The following NCOA3 variants were observed in gnomAD, a reference collection of about 807,000 sequenced individuals.
NCOA3 encodes nuclear receptor coactivator 3.
A neutral mutation model predicts 158.8 loss-of-function variants in NCOA3; 51 were observed. That is an observed-to-expected ratio of 0.32 (90% CI 0.26 to 0.41). The LOEUF is 0.41. Ranked by LOEUF, NCOA3 falls within the 10% of genes least tolerant of loss-of-function variation. The pLI, the probability that NCOA3 is intolerant of heterozygous loss-of-function variation, is 1.00. For synonymous variants in NCOA3, 537 were observed against 592.4 expected, an observed-to-expected ratio of 0.91 and a Z score of 1.36; for missense variants, 1,510 against 1,746.6, an observed-to-expected ratio of 0.86 and a Z score of 2.41.
chr20:47,576,462 G>T (rs1270222558), intron 1 of NCOA3, among the ~76,000 whole-genome samples: 1 of 152,102 alleles, frequency 6.6e-6, no homozygotes, highest in African/African-American at 2.4e-5. Flanking sequence ...TGGTTTGTTA[G>T]ATACTACAGG....
In NCOA3 at chr20:47,648,954, T is replaced by C. The variant is rs2086735340; in HGVS notation, c.3547-51T>C. ...GTGCTGAGGGTCTGGAAAGCTGTTT[T>C]GGCAGACTGACGTGCTCTGCTTGCA... is the stretch of plus-strand genomic sequence containing the variant. On this transcript the variant is annotated intron_variant, in intron 18 of 22. Coordinates refer to ENST00000371998, the MANE Select transcript of NCOA3 (RefSeq NM_181659.3). 2.6e-6 allele frequency: 3 copies of C among 1,156,886 alleles called. No individual in the cohort carries two copies. In the African/African-American group the frequency reaches 4.5e-5, roughly 18 times the overall value. 71.7% of individuals were successfully genotyped at this position (1,156,886 alleles called of 1,614,324 possible). A position where few individuals can be genotyped will look rare whatever the true frequency, so the allele number is the denominator to read the frequency against.
chr20:47,584,372 C>T (rs958594523), intron 2 of NCOA3, among the ~76,000 whole-genome samples: 12 of 152,146 alleles, frequency 7.9e-5, no homozygotes, highest in African/African-American at 2.9e-4. Context: ...GTAATCCCAG[C>T]ACTTTGGGAG....
At chr20:47,558,907 G>A (rs1231559754) in intron 1 of NCOA3, among the ~76,000 whole-genome samples, 2 of 145,014 alleles carry the variant, frequency 1.4e-5, no homozygotes. Flanking sequence ...AGTTATGCAC[G>A]ACATCTGGAC....
chr20:47,645,577 A>G (rs2086674100), intron 17 of NCOA3, among the ~76,000 whole-genome samples: 1 of 147,880 alleles, frequency 6.8e-6, no homozygotes, highest in Admixed American at 6.6e-5. Context: ...ACTACCTTTT[A>G]AGTATTTTTT....
intron 1 of NCOA3, among the ~76,000 whole-genome samples, chr20:47,521,389 A>T (rs1247524549): frequency 6.6e-6 from 1 of 151,926 alleles, no homozygotes; most frequent in Non-Finnish European, 1.5e-5. Context: ...TTATAGAAGG[A>T]TGCACCTTCA....
At chr20:47,622,723 T>TGG (rs1335169140) in intron 3 of NCOA3, among the ~76,000 whole-genome samples, 1 of 152,060 alleles carries the variant, frequency 6.6e-6, no homozygotes, top group Non-Finnish European at 1.5e-5. Flanking sequence ...CAAAGGGTGG[T>TGG]GGGATTATCA....
intron 1 of NCOA3, among the ~76,000 whole-genome samples, chr20:47,562,528 A>G (rs1221689462): frequency 6.7e-6 from 1 of 148,492 alleles, no homozygotes; most frequent in Admixed American, 6.7e-5. Context: ...TCATCTGTCC[A>G]TCTGTCTTGA....
intron 2 of NCOA3, among the ~76,000 whole-genome samples, chr20:47,583,814 G>C (rs1416153371): frequency 1.3e-5 from 2 of 152,142 alleles, no homozygotes; most frequent in East Asian, 3.9e-4. Context: ...AAACTAGCCA[G>C]ACATAGTGGC....
chr20:47,651,115 A>G lies in NCOA3; in HGVS notation c.3785A>G (p.Gln1262Arg). The change falls in exon 20 of 23, where the codon CAG becomes CGG. Residue 1262 changes from glutamine to arginine, a missense_variant. This residue lies in a region of NCOA3 where 4 missense variants were observed against 21.9 expected (regional missense o/e 0.18). Coordinates refer to ENST00000371998, the MANE Select transcript of NCOA3 (RefSeq NM_181659.3). Reference sequence around the variant, plus strand: ...CAACAGCAGCAGCAGCAGCAGCAGCAGCAGCAACAGCAACAGCAACAGCAA... The same window carrying G: ...CAACAGCAGCAGCAGCAGCAGCAGCGGCAGCAACAGCAACAGCAACAGCAA... ...QQQQQQQQQQ[Q>R]QQQQQQQQQQ... The G allele has an allele frequency of 6.8e-7, 1 of 1,461,204 alleles. No homozygotes were observed. Among genetic ancestry groups the G allele is most frequent in the Non-Finnish European group, 9.3e-7 (1 of 1,069,576 alleles). The allele number at this position is 1,461,204 out of a possible 1,614,324, so 90.5% of individuals were successfully genotyped here. A position where few individuals can be genotyped will look rare whatever the true frequency, so the allele number is the denominator to read the frequency against.
chr20:47,525,863 G>A (rs1168457024), intron 1 of NCOA3, among the ~76,000 whole-genome samples: 2 of 125,590 alleles, frequency 1.6e-5, no homozygotes, highest in African/African-American at 3.0e-5. Flanking sequence ...CTCACTTCCC[G>A]GATGGGGCGG....
chr20:47,553,444 ATG>A (rs1402934352), intron 1 of NCOA3, among the ~76,000 whole-genome samples: 1 of 151,854 alleles, frequency 6.6e-6, no homozygotes, highest in Non-Finnish European at 1.5e-5. Flanking sequence ...CATGTGCACA[ATG>A]TGCAGGTTTG....
At chr20:47,613,923 A>T (rs1327473729) in intron 2 of NCOA3, among the ~76,000 whole-genome samples, 2 of 151,820 alleles carry the variant, frequency 1.3e-5, no homozygotes, top group Admixed American at 6.6e-5. Context: ...AAAAAAAATT[A>T]AAAAAAATTT....
At chr20:47,586,220 AT>A (rs2085533684) in intron 2 of NCOA3, among the ~76,000 whole-genome samples, 1 of 151,900 alleles carries the variant, frequency 6.6e-6, no homozygotes, top group Non-Finnish European at 1.5e-5. Context: ...TGCTCGGCCA[AT>A]TTTTTCTTTT....
At chr20:47,582,651 G>A (rs940212959) in intron 1 of NCOA3, among the ~76,000 whole-genome samples, 1 of 152,208 alleles carries the variant, frequency 6.6e-6, no homozygotes, top group Non-Finnish European at 1.5e-5. Flanking sequence ...ATAGGCATGA[G>A]CCACTGCGCC....
In NCOA3 at chr20:47,647,311, C is replaced by G; in HGVS notation, c.3491C>G (p.Thr1164Arg). The G allele has an allele frequency of 6.2e-7, 1 of 1,614,198 alleles. No individual in the cohort carries two copies. The highest frequency in any genetic ancestry group is 1.1e-5 in the South Asian group (1 of 91,076). Residue 1164 changes from threonine to arginine, a missense_variant, in exon 18 of 23, where the codon ACA (threonine) becomes AGA (arginine). Physicochemically the swap from Thr to Arg is moderately conservative, Grantham distance 71. Transcript: ENST00000371998. Reference sequence around the variant, plus strand: ...CGAGCCAACATCATGAGACCCCGGACAAACACCCCCAAGCAACTTAGAATG... The same window carrying G: ...CGAGCCAACATCATGAGACCCCGGAGAAACACCCCCAAGCAACTTAGAATG... The part of the protein sequence containing the change: ...HPRANIMRPR[T>R]NTPKQLRMQL...
chr20:47,582,611 C>T (rs1232685225), intron 1 of NCOA3, among the ~76,000 whole-genome samples: 2 of 152,116 alleles, frequency 1.3e-5, no homozygotes, highest in African/African-American at 4.8e-5. Flanking sequence ...AAGCGGTCCT[C>T]CTACCTCAGC....
intron 19 of NCOA3, among the ~76,000 whole-genome samples, chr20:47,650,259 CTT>C (rs555753870): frequency 1.1e-4 from 15 of 131,048 alleles, no homozygotes; most frequent in Non-Finnish European, 8.2e-5. Context: ...AGCCAGAAAG[CTT>C]TTTTTTTTTT....
chr20:47,572,754 C>G (rs1181282386), intron 1 of NCOA3, among the ~76,000 whole-genome samples: 5 of 152,036 alleles, frequency 3.3e-5, no homozygotes, highest in Non-Finnish European at 7.4e-5. Context: ...TCAGGCTGCT[C>G]TTGGGCTCCT....
intron 2 of NCOA3, among the ~76,000 whole-genome samples, chr20:47,603,670 G>A (rs2085900148): frequency 6.6e-6 from 1 of 152,202 alleles, no homozygotes; most frequent in South Asian, 2.1e-4. Flanking sequence ...CTGGAAAGGG[G>A]ATGGAGTGGG....
Sources: gnomAD v4.1 joint callset for allele counts (sites outside exome capture counted in the v4.1 genomes callset) on GRCh38, gnomAD v4.1.1 for gene constraint, gnomAD v4.1.1 regional missense constraint, MANE v1.5 for transcripts, NCBI Gene and HGNC (gene_info 2026-07-23, HGNC 2026-07-21) for gene names.